PDILT: variants seen among roughly 807,000 people sequenced by gnomAD.
PDILT encodes protein disulfide-isomerase-like protein of the testis.
PDILT carries 43 observed loss-of-function variants against 53.7 expected under a neutral mutation model. That is an observed-to-expected ratio of 0.80 (90% confidence interval 0.63 to 1.03). PDILT has a LOEUF of 1.03. Ranked by LOEUF, PDILT falls within the 50% of genes least tolerant of loss-of-function variation. The pLI is 0.00. For synonymous variants in PDILT, 282 were observed against 274.2 expected (o/e 1.03, Z -0.28); for missense variants, 727 against 712.3 (o/e 1.02, Z -0.24).
intron 2 of PDILT, among the ~76,000 whole-genome samples, chr16:20,395,044 T>C (rs1458113952): frequency 6.6e-6 from 1 of 152,228 alleles, no homozygotes; most frequent in Admixed American, 6.5e-5. Context: ...GGGTAATACA[T>C]ATATAATTTA....
At chr16:20,367,578 C>T (rs76438553) in intron 8 of PDILT, among the ~76,000 whole-genome samples, 1,948 of 152,188 alleles carry the variant, frequency 0.013, 44 homozygotes, top group African/African-American at 0.045. Context: ...GCGAGGGAGA[C>T]GGACACCACC....
chr16:20,366,322 C>A (rs1373643049), intron 8 of PDILT, among the ~76,000 whole-genome samples: 3 of 152,212 alleles, frequency 2.0e-5, no homozygotes, highest in African/African-American at 7.2e-5. Context: ...CAGGCCTCCC[C>A]ACTCCTGATT....
At chr16:20,368,706 C>T (rs1247625679) in intron 8 of PDILT, among the ~76,000 whole-genome samples, 1 of 152,094 alleles carries the variant, frequency 6.6e-6, no homozygotes, top group Non-Finnish European at 1.5e-5. Flanking sequence ...AGCAATGCTC[C>T]TGCCTCAGCC....
rs149934923 is a variant in PDILT at position 20,376,268 on chromosome 16, CT to C, written c.410-68del. Reference sequence around the variant, plus strand: ...TCTTGAACCAAAGCAAGAAGCTGGTCTTTCTCAAGTTTAATGCATAGAACCT... The same window carrying C: ...TCTTGAACCAAAGCAAGAAGCTGGTCTTCTCAAGTTTAATGCATAGAACCT... On this transcript the variant is annotated intron_variant, in intron 3 of 11. Transcript: ENST00000302451. 7.3e-4 allele frequency: 1,162 copies of C among 1,585,882 alleles called. 14 individuals are homozygous for C. In the African/African-American group the frequency reaches 0.015, roughly 20 times the overall value.
intron 11 of PDILT, 104 bp downstream of exon 11, chr16:20,360,464 C>T (rs926846409): frequency 9.3e-7 from 1 of 1,079,812 alleles, no homozygotes; most frequent in Admixed American, 1.7e-5. Context: ...CCTCAACCAT[C>T]TCCCAAGATT....
At chr16:20,400,018 CTATCT>C (rs1966710935) in intron 1 of PDILT, among the ~76,000 whole-genome samples, 3 of 107,890 alleles carry the variant, frequency 2.8e-5, no homozygotes, top group African/African-American at 7.4e-5. Flanking sequence ...ATATCTCTAT[CTATCT>C]ATCTATCTAT....
intron 2 of PDILT, among the ~76,000 whole-genome samples, chr16:20,387,169 C>T (rs554586431): frequency 1.6e-3 from 239 of 152,238 alleles, no homozygotes; most frequent in African/African-American, 5.5e-3. Context: ...AGATAAAAAC[C>T]CCTGCTGTCA....
chr16:20,373,809 T>C (rs1966343598), intron 5 of PDILT, among the ~76,000 whole-genome samples: 1 of 152,210 alleles, frequency 6.6e-6, no homozygotes, highest in South Asian at 2.1e-4. Flanking sequence ...CCATAAATCT[T>C]CCACCACTTG....
Position 20,361,191 on chromosome 16 carries a change from T to TA in PDILT, c.1417-535_1417-534insT, listed in dbSNP as rs1491466129. On this transcript the variant is annotated intron_variant, in intron 10 of 11. Coordinates refer to ENST00000302451, the MANE Select transcript of PDILT (RefSeq NM_174924.2). Reference sequence around the variant, plus strand: ...CCATTATCACAAGTTCCCTTTCCTCTTTTTTTTTTTTTTTATATGGAATCT... The same window carrying TA: ...CCATTATCACAAGTTCCCTTTCCTCTATTTTTTTTTTTTTTATATGGAATCT... 1.3e-3 allele frequency among the ~76,000 whole-genome samples: 109 copies of TA among 83,848 alleles called. 1 individual carries two copies. The highest frequency in any genetic ancestry group is 4.5e-3 in the African/African-American group (99 of 22,130). The allele number at this position is 83,848 out of a possible 152,430, so 55.0% of individuals were successfully genotyped here. A position where few individuals can be genotyped will look rare whatever the true frequency, so the allele number is the denominator to read the frequency against.
intron 2 of PDILT, among the ~76,000 whole-genome samples, chr16:20,398,000 C>T (rs901418964): frequency 6.6e-6 from 1 of 152,164 alleles, no homozygotes; most frequent in Non-Finnish European, 1.5e-5. Context: ...GGTCTGTGGT[C>T]GCCACTTGTG....
rs776362215 is a variant in PDILT at position 20,359,429 on chromosome 16, C to T, written c.1645G>A (p.Glu549Lys). ...GTTTTCTTCTTCCCAGCGGGCTCTT[C>T]CAGCTTGGATACGTACTTGGTCATG... ...ENMTKYVSKLEEPAGKKKTSE... is the reference protein window; with the variant it reads ...ENMTKYVSKLKEPAGKKKTSE... Residue 549 changes from glutamate (E) to lysine (K), a missense_variant, in exon 12 of 12, where the codon GAA (glutamate) becomes AAA (lysine). By Grantham distance (56) the Glu-to-Lys change is moderately conservative (BLOSUM62 1). Transcript: ENST00000302451. 21 of 1,614,194 alleles carry T rather than the reference C, an allele frequency of 1.3e-5. No homozygotes were observed. Among genetic ancestry groups the T allele is most frequent in the Non-Finnish European group, 1.8e-5 (21 of 1,180,036 alleles).
At chr16:20,379,729 T>C (rs920053861) in intron 3 of PDILT, among the ~76,000 whole-genome samples, 5 of 152,218 alleles carry the variant, frequency 3.3e-5, no homozygotes, top group East Asian at 1.9e-4. Flanking sequence ...TGTTCAACTT[T>C]AGTAGATATA....
chr16:20,368,222 C>G (rs1966244147), intron 8 of PDILT, among the ~76,000 whole-genome samples: 1 of 152,100 alleles, frequency 6.6e-6, no homozygotes, highest in Non-Finnish European at 1.5e-5. Flanking sequence ...TAGACACTGA[C>G]ATCTCTGGAA....
At chr16:20,388,369 A>T (rs1240305351) in intron 2 of PDILT, among the ~76,000 whole-genome samples, 1 of 152,206 alleles carries the variant, frequency 6.6e-6, no homozygotes, top group Non-Finnish European at 1.5e-5. Context: ...ATGGAAACCC[A>T]GAGGTCTTAC....
Position 20,366,962 on chromosome 16 carries a change from TCC to T in PDILT, c.1117-1424_1117-1423del, listed in dbSNP as rs1377523252. ...TTCCTTCCTTCCTTCCTTCCTTCCT[TCC>T]TTCCTTCCTTCCTTCCTTCCTTCCT... On this transcript the variant is annotated intron_variant, in intron 8 of 11. Transcript: ENST00000302451. Among the ~76,000 whole-genome samples, 1,157 of 146,354 alleles carry T rather than the reference TCC, an allele frequency of 7.9e-3. 53 individuals are homozygous for T. The highest frequency in any genetic ancestry group is 0.021 in the African/African-American group (821 of 38,890).
chr16:20,396,251 T>C (rs900270865), intron 2 of PDILT, among the ~76,000 whole-genome samples: 1 of 152,146 alleles, frequency 6.6e-6, no homozygotes, highest in African/African-American at 2.4e-5. Context: ...AGGCCACATA[T>C]CCAGTTTATG....
chr16:20,372,758 T>C (rs1162852957), intron 7 of PDILT, 44 bp downstream of exon 7: 1 of 1,596,864 alleles, frequency 6.3e-7, no homozygotes, highest in Admixed American at 1.7e-5. Flanking sequence ...AGGTCTTGGA[T>C]CCTCATCCAG....
chr16:20,365,358 A>G, intron 9 of PDILT, 62 bp downstream of exon 9: 1 of 1,585,218 alleles, frequency 6.3e-7, no homozygotes, highest in Non-Finnish European at 8.6e-7. Flanking sequence ...ACAATTCAGG[A>G]GAAACACTTG....
At chr16:20,372,521 C>T (rs1237263279) in intron 7 of PDILT, among the ~76,000 whole-genome samples, 1 of 152,140 alleles carries the variant, frequency 6.6e-6, no homozygotes, top group East Asian at 1.9e-4. Context: ...AGCAGGCAAG[C>T]CTTCATGTTC....
Sources: allele counts gnomAD v4.1 joint callset (sites outside exome capture counted in the v4.1 genomes callset), GRCh38; gene constraint gnomAD v4.1.1; transcripts MANE v1.5; gene names NCBI Gene and HGNC (gene_info 2026-07-23, HGNC 2026-07-21).